Variants in XXYLT1 observed in about 807,000 individuals in gnomAD.
The protein encoded by XXYLT1 is UDP-xylose:alpha-xyloside alpha-1,3-xylosyltransferase.
XXYLT1 carries 20 observed loss-of-function variants against 28.9 expected under a neutral mutation model. The observed-to-expected ratio is 0.69, with a 90% CI of 0.49 to 1.00. The LOEUF (loss-of-function observed/expected upper bound fraction) is 1.00. Among genes scored for constraint, XXYLT1 ranks in the 50% least tolerant of loss-of-function variants. The probability of loss-of-function intolerance (pLI) is 0.00; values close to 1 mark genes in which losing one functional copy is unlikely to be tolerated. For missense variants in XXYLT1, 542 were observed against 560.1 expected (o/e 0.97, Z 0.33); for synonymous variants, 257 against 253.8 (o/e 1.01, Z -0.12).
At position 195,270,839 on chromosome 3, in the gene XXYLT1, CTAGCTCCA is replaced by C; in HGVS notation, c.212_219del (p.Leu71ArgfsTer65). On this transcript the variant is annotated frameshift_variant, in exon 1 of 4. Transcript: ENST00000310380. LOFTEE classifies it high-confidence loss of function. Reference sequence around the variant, plus strand: ...GGGGCTGGCGCCACGGAGCCCCGCGCTAGCTCCAGCGCGGGCGGCGAGGGCGCGGCGGG... The same window carrying C: ...GGGGCTGGCGCCACGGAGCCCCGCGCGCGCGGGCGGCGAGGGCGCGGCGGG... 1 of 1,451,562 alleles carries C rather than the reference CTAGCTCCA, an allele frequency of 6.9e-7. No homozygotes were observed. Among genetic ancestry groups the C allele is most frequent in the Non-Finnish European group, 9.1e-7 (1 of 1,103,542 alleles). 89.9% of individuals were successfully genotyped at this position (1,451,562 alleles called of 1,614,324 possible).
chr3:195,106,593 A>T (rs1029185848), intron 3 of XXYLT1, among the ~76,000 whole-genome samples: 1 of 151,780 alleles, frequency 6.6e-6, no homozygotes, highest in African/African-American at 2.4e-5. Flanking sequence ...CACAGGCGAG[A>T]CCCCTGCCGG....
At chr3:195,159,430 C>T (rs189839411) in intron 2 of XXYLT1, among the ~76,000 whole-genome samples, 64 of 152,264 alleles carry the variant, frequency 4.2e-4, no homozygotes, top group African/African-American at 1.4e-3. Context: ...TTATTAGCCC[C>T]GTCACCTCCA....
chr3:195,142,136 C>T (rs1007223473), intron 3 of XXYLT1, among the ~76,000 whole-genome samples: 5 of 152,210 alleles, frequency 3.3e-5, no homozygotes, highest in African/African-American at 1.2e-4. Context: ...TCTCCTCTTC[C>T]GACCCTCCCT....
At chr3:195,111,323 G>A (rs1218310460) in intron 3 of XXYLT1, among the ~76,000 whole-genome samples, 3 of 152,112 alleles carry the variant, frequency 2.0e-5, no homozygotes, top group Admixed American at 6.5e-5. Context: ...CATCTGCAAC[G>A]ACCCTATTCC....
chr3:195,138,857 GAAAAAAA>G lies in XXYLT1; in HGVS notation c.785+17585_785+17591del, dbSNP rs552573280. Among the ~76,000 whole-genome samples, 51 of 84,166 alleles carry G rather than the reference GAAAAAAA, an allele frequency of 6.1e-4. 1 individual carries two copies. The highest frequency in any genetic ancestry group is 1.4e-3 in the African/African-American group (34 of 23,630). 55.2% of individuals were successfully genotyped at this position (84,166 alleles called of 152,430 possible). A position where few individuals can be genotyped will look rare whatever the true frequency, so the allele number is the denominator to read the frequency against. On this transcript the variant is annotated intron_variant, in intron 3 of 3. Transcript: ENST00000310380. ...GCAACAAAGTGAGACTCTGCCTCAG[GAAAAAAA>G]AAAAAAAAAAAAAGAAAGAAAGAAA... is the stretch of plus-strand genomic sequence containing the variant.
Position 195,173,690 on chromosome 3 carries a change from G to A in XXYLT1, c.653-17109C>T, listed in dbSNP as rs1035784654. On this transcript the variant is annotated intron_variant, in intron 2 of 3. Transcript: ENST00000310380. The surrounding 1 kb of genome is among the most constrained non-coding windows in gnomAD (Gnocchi z 4.3). ...GACTCGGGGTAAAGTACGGGCTCAG[G>A]GGAATCCTACTGAAAGGCATCGTGG... Among the ~76,000 whole-genome samples, 4 of 152,172 alleles carry A rather than the reference G, an allele frequency of 2.6e-5. No homozygotes were observed. Among genetic ancestry groups the A allele is most frequent in the Non-Finnish European group, 5.9e-5 (4 of 68,024 alleles).
At chr3:195,202,140 G>A (rs1225985808) in intron 2 of XXYLT1, among the ~76,000 whole-genome samples, 1 of 152,108 alleles carries the variant, frequency 6.6e-6, no homozygotes, top group Non-Finnish European at 1.5e-5. Context: ...TCGTGCCACT[G>A]CACTCCTGCC....
chr3:195,112,581 A>ATG (rs1717812821), intron 3 of XXYLT1, among the ~76,000 whole-genome samples: 1 of 144,240 alleles, frequency 6.9e-6, no homozygotes, highest in Non-Finnish European at 1.5e-5. Flanking sequence ...ACACACACGC[A>ATG]CGCACACACA....
chr3:195,174,544 C>T (rs1449479238), intron 2 of XXYLT1, among the ~76,000 whole-genome samples: 3 of 152,014 alleles, frequency 2.0e-5, no homozygotes, highest in African/African-American at 4.8e-5. Flanking sequence ...CATTATGTTG[C>T]CCAGGCTGGT....
intron 3 of XXYLT1, among the ~76,000 whole-genome samples, chr3:195,155,465 G>C (rs1190904397): frequency 6.6e-6 from 1 of 151,974 alleles, no homozygotes; most frequent in East Asian, 1.9e-4. Context: ...CCAGCAACAT[G>C]AAACTCTCCA....
intron 3 of XXYLT1, among the ~76,000 whole-genome samples, chr3:195,125,705 A>C (rs1203810397): frequency 6.6e-6 from 1 of 152,258 alleles, no homozygotes; most frequent in Non-Finnish European, 1.5e-5. Context: ...TTTCAACTGA[A>C]ATCTTGCCTG....
At chr3:195,196,797 T>C (rs1018836661) in intron 2 of XXYLT1, among the ~76,000 whole-genome samples, 1 of 151,994 alleles carries the variant, frequency 6.6e-6, no homozygotes, top group Non-Finnish European at 1.5e-5. Flanking sequence ...ATAAGGAATA[T>C]TGGATGAGAC....
In XXYLT1 at chr3:195,133,991, C is replaced by T. The variant is rs1247577283; in HGVS notation, c.785+22458G>A. Among the ~76,000 whole-genome samples, 3 of 152,070 alleles carry T rather than the reference C, an allele frequency of 2.0e-5. No individual in the cohort carries two copies. The highest frequency in any genetic ancestry group is 6.5e-5 in the Admixed American group (1 of 15,268). Reference sequence around the variant, plus strand: ...CTTTGGGAGGCTGAGGCAGGAGGGTCGCCTGAGCCCAGGAGTTTGAGACCA... The same window carrying T: ...CTTTGGGAGGCTGAGGCAGGAGGGTTGCCTGAGCCCAGGAGTTTGAGACCA... On this transcript the variant is annotated intron_variant, in intron 3 of 3. Coordinates refer to ENST00000310380, the MANE Select transcript of XXYLT1 (RefSeq NM_152531.5). The surrounding 1 kb of genome is among the most constrained non-coding windows in gnomAD (Gnocchi z 4.4).
At chr3:195,172,911 T>G (rs1254564847) in intron 2 of XXYLT1, among the ~76,000 whole-genome samples, 1 of 152,046 alleles carries the variant, frequency 6.6e-6, no homozygotes, top group African/African-American at 2.4e-5. Context: ...ACCAGTGGAG[T>G]TGGAGCATGG....
intron 3 of XXYLT1, among the ~76,000 whole-genome samples, chr3:195,154,965 G>A (rs1157744381): frequency 6.6e-6 from 1 of 152,130 alleles, no homozygotes; most frequent in African/African-American, 2.4e-5. Flanking sequence ...CTGGTATGAA[G>A]GGGAGGGAAG....
In XXYLT1 at chr3:195,105,898, C is replaced by A. The variant is rs1717053557; in HGVS notation, c.786-35787G>T. 2.0e-5 allele frequency among the ~76,000 whole-genome samples: 3 copies of A among 152,194 alleles called. No individual in the cohort carries two copies. In the South Asian group the frequency reaches 6.2e-4, roughly 32 times the overall value. ...AGCATTCCATGGCATACTTCTTATT[C>A]CCCACCTTCCCTTACTCTCATATCA... On this transcript the variant is annotated intron_variant, in intron 3 of 3. Transcript: ENST00000310380.
At chr3:195,134,829 GT>G (rs1560112400) in intron 3 of XXYLT1, among the ~76,000 whole-genome samples, 42 of 18,786 alleles carry the variant, frequency 2.2e-3, no homozygotes, top group South Asian at 0.022. Context: ...GAAGAGGGGT[GT>G]GTGTGTGTGT....
intron 2 of XXYLT1, among the ~76,000 whole-genome samples, chr3:195,179,107 C>T (rs954834010): frequency 1.3e-4 from 19 of 151,940 alleles, no homozygotes; most frequent in South Asian, 4.2e-4. Flanking sequence ...TTTGGGAGGC[C>T]GAGGCGGGCG....
intron 2 of XXYLT1, among the ~76,000 whole-genome samples, chr3:195,197,374 C>A (rs558181094): frequency 5.0e-4 from 75 of 150,840 alleles, no homozygotes; most frequent in African/African-American, 1.7e-3. Context: ...GAGGCAGAGG[C>A]TGCAGTGAGC....
Sources: allele counts gnomAD v4.1 joint callset (sites outside exome capture counted in the v4.1 genomes callset), GRCh38; gene constraint gnomAD v4.1.1; non-coding constraint Gnocchi (gnomAD v3.1); transcripts MANE v1.5; gene names NCBI Gene and HGNC (gene_info 2026-07-23, HGNC 2026-07-21).